Variants in MSRA observed in about 807,000 individuals in gnomAD.
MSRA encodes mitochondrial peptide methionine sulfoxide reductase.
In MSRA, 54 loss-of-function variants were observed where a neutral mutation model predicts 31.3. That is an observed-to-expected ratio of 1.73 (90% confidence interval 1.39 to 2.17). The LOEUF is 2.17. Among genes scored for constraint, MSRA ranks in the 30% most tolerant of loss-of-function variants. The pLI, the probability that MSRA is intolerant of heterozygous loss-of-function variation, is 0.00. For missense variants in MSRA, 507 were observed against 300.9 expected (o/e 1.69, Z -5.07); for synonymous variants, 169 against 116.5 (o/e 1.45, Z -2.90).
At chr8:10,169,045 C>G (rs1322146958) in intron 1 of MSRA, among the ~76,000 whole-genome samples, 1 of 152,162 alleles carries the variant, frequency 6.6e-6, no homozygotes, top group African/African-American at 2.4e-5. Context: ...GTATGATTTT[C>G]CCCATAACCT....
At chr8:10,070,226 A>T (rs1449114663) in intron 1 of MSRA, among the ~76,000 whole-genome samples, 10 of 152,160 alleles carry the variant, frequency 6.6e-5, no homozygotes, top group African/African-American at 2.2e-4. Context: ...TTGCCAGTGC[A>T]TTTGGATTGG....
rs570714534 is a variant in MSRA, at chr8:10,281,876, G to C, written c.332-19658G>C. Among the ~76,000 whole-genome samples, 4 of 152,256 alleles carry C rather than the reference G, an allele frequency of 2.6e-5. No homozygotes were observed. The South Asian group carries it at 6.2e-4, about 24-fold the overall frequency. ...CAAGCACAATAGTGACGGCTTCTTAGCCACGTTTCTAATTATATTTTTTTC... is the reference window on the plus strand; with the variant it reads ...CAAGCACAATAGTGACGGCTTCTTACCCACGTTTCTAATTATATTTTTTTC... On this transcript the variant is annotated intron_variant, in intron 3 of 5. Coordinates refer to ENST00000317173, the MANE Select transcript of MSRA (RefSeq NM_012331.5).
At chr8:10,307,446 G>T (rs67773656) in intron 4 of MSRA, among the ~76,000 whole-genome samples, 21,495 of 152,186 alleles carry the variant, frequency 0.14, 1,721 homozygotes, top group African/African-American at 0.21. Context: ...GGATGACAGA[G>T]GTGGCCACTG....
chr8:10,113,049 C>A (rs1338233093), intron 1 of MSRA, among the ~76,000 whole-genome samples: 1 of 152,132 alleles, frequency 6.6e-6, no homozygotes, highest in African/African-American at 2.4e-5. Context: ...TCTGCAGCTC[C>A]ATCACCTCAC....
At chr8:10,077,857 G>T (rs1252977931) in intron 1 of MSRA, among the ~76,000 whole-genome samples, 2 of 152,006 alleles carry the variant, frequency 1.3e-5, no homozygotes, top group South Asian at 2.1e-4. Context: ...ACTCATCCCC[G>T]GCCATGTGTT....
intron 4 of MSRA, among the ~76,000 whole-genome samples, chr8:10,303,795 G>A (rs1800977952): frequency 6.6e-6 from 1 of 152,178 alleles, no homozygotes; most frequent in Non-Finnish European, 1.5e-5. Flanking sequence ...TACTCAGCTG[G>A]CTTTGTTTTT....
intron 1 of MSRA, among the ~76,000 whole-genome samples, chr8:10,110,505 C>A (rs769307232): frequency 6.6e-6 from 1 of 152,160 alleles, no homozygotes; most frequent in African/African-American, 2.4e-5. Context: ...ACAAGACCAC[C>A]GCTTCCTATT....
chr8:10,249,617 G>A (rs994875551), intron 3 of MSRA, among the ~76,000 whole-genome samples: 5 of 152,136 alleles, frequency 3.3e-5, no homozygotes, highest in Non-Finnish European at 5.9e-5. Flanking sequence ...TAACCCCTCT[G>A]AAAGCCACCC....
chr8:10,392,251 T>C (rs1806791959), intron 5 of MSRA, among the ~76,000 whole-genome samples: 1 of 152,224 alleles, frequency 6.6e-6, no homozygotes, highest in African/African-American at 2.4e-5. Context: ...CTCTCTTAAA[T>C]TTTAAGAACT....
chr8:10,317,817 G>A lies in MSRA; in HGVS notation c.437-2066G>A, dbSNP rs188629819. Among the ~76,000 whole-genome samples the A allele has an allele frequency of 2.4e-4, 37 of 152,286 alleles. No homozygotes were observed. The East Asian group carries it at 6.2e-3, about 25-fold the overall frequency. On this transcript the variant is annotated intron_variant, in intron 4 of 5. Coordinates refer to ENST00000317173, the MANE Select transcript of MSRA (RefSeq NM_012331.5). ...ACTTGTTGCATCTGTGGGAAAGGGGGCTCTGGGTCATTGCTTGGTGATTAT... is the reference window on the plus strand; with the variant it reads ...ACTTGTTGCATCTGTGGGAAAGGGGACTCTGGGTCATTGCTTGGTGATTAT...
intron 1 of MSRA, among the ~76,000 whole-genome samples, chr8:10,156,099 A>G (rs1171998875): frequency 1.3e-5 from 2 of 152,154 alleles, no homozygotes; most frequent in African/African-American, 2.4e-5. Flanking sequence ...CGATGCTGCC[A>G]AGGAGAATGT....
intron 5 of MSRA, among the ~76,000 whole-genome samples, chr8:10,361,952 C>T (rs1042281566): frequency 2.0e-5 from 3 of 152,124 alleles, no homozygotes; most frequent in African/African-American, 7.2e-5. Context: ...GAAATCGTTT[C>T]CTTCTCATGA....
At chr8:10,293,635 G>T (rs1414719044) in intron 3 of MSRA, among the ~76,000 whole-genome samples, 2 of 152,204 alleles carry the variant, frequency 1.3e-5, no homozygotes, top group East Asian at 1.9e-4. Flanking sequence ...AAGGTCCGAC[G>T]TGTCTCTGGT....
chr8:10,151,615 A>C (rs993460598), intron 1 of MSRA, among the ~76,000 whole-genome samples: 5 of 152,218 alleles, frequency 3.3e-5, no homozygotes, highest in African/African-American at 4.8e-5. Context: ...GCGCCACTGC[A>C]CTCCAGCCTG....
intron 5 of MSRA, among the ~76,000 whole-genome samples, chr8:10,349,131 A>T (rs1384139040): frequency 6.6e-6 from 1 of 152,270 alleles, no homozygotes; most frequent in Non-Finnish European, 1.5e-5. Flanking sequence ...TATACATGAT[A>T]ATCATAAATT....
chr8:10,174,894 A>G (rs746966228), intron 1 of MSRA, among the ~76,000 whole-genome samples: 3 of 152,076 alleles, frequency 2.0e-5, no homozygotes, highest in South Asian at 2.1e-4. Flanking sequence ...CTGTCAATAG[A>G]TCTCATCTCC....
intron 1 of MSRA, among the ~76,000 whole-genome samples, chr8:10,106,900 C>T (rs1203712682): frequency 1.3e-5 from 2 of 151,864 alleles, no homozygotes; most frequent in Non-Finnish European, 2.9e-5. Context: ...CCGCCTACCC[C>T]TCTACCCACC....
At position 10,113,289 on chromosome 8, in the gene MSRA, C is replaced by CTT. The variant is rs1467440154; in HGVS notation, c.142+58632_142+58633dup. ...AGGCATGGCTTTGGTGAAGACAGGT[C>CTT]TTCTTTTTTTTTTTTTTTTTTTTTT... On this transcript the variant is annotated intron_variant, in intron 1 of 5. Transcript: ENST00000317173. Among the ~76,000 whole-genome samples, 128 of 50,884 alleles carry CTT rather than the reference C, an allele frequency of 2.5e-3. 6 individuals are homozygous for CTT. Among genetic ancestry groups the CTT allele is most frequent in the African/African-American group, 8.8e-3 (80 of 9,058 alleles). 33.4% of individuals were successfully genotyped at this position (50,884 alleles called of 152,430 possible).
At chr8:10,079,352 G>A (rs768067015) in intron 1 of MSRA, among the ~76,000 whole-genome samples, 1 of 151,944 alleles carries the variant, frequency 6.6e-6, no homozygotes, top group African/African-American at 2.4e-5. Flanking sequence ...ACAGGGTTTC[G>A]CCATGTTGCC....
Sources: allele counts gnomAD v4.1 joint callset (sites outside exome capture counted in the v4.1 genomes callset), GRCh38; gene constraint gnomAD v4.1.1; transcripts MANE v1.5; gene names NCBI Gene and HGNC (gene_info 2026-07-23, HGNC 2026-07-21).